HNF4G: variants seen among roughly 807,000 people sequenced by gnomAD.
HNF4G encodes hepatocyte nuclear factor 4-gamma.
In HNF4G, 21 loss-of-function variants were observed where a neutral mutation model predicts 50.9. The ratio of observed to expected loss-of-function variants is 0.41; its 90% CI spans 0.29 to 0.59. The LOEUF is 0.59. Ranked by LOEUF, HNF4G falls within the 20% of genes least tolerant of loss-of-function variation. HNF4G has a pLI of 0.26. For synonymous variants in HNF4G, 198 were observed against 185.6 expected (o/e 1.07, Z -0.54); for missense variants, 527 against 559.4 (o/e 0.94, Z 0.58).
intron 1 of HNF4G, among the ~76,000 whole-genome samples, chr8:75,433,470 C>T (rs908108383): frequency 1.1e-4 from 16 of 150,866 alleles, no homozygotes; most frequent in African/African-American, 2.9e-4. Flanking sequence ...CTGTTTTAGG[C>T]CATTAAATCT....
chr8:75,543,587 T>C (rs935299010), intron 1 of HNF4G, among the ~76,000 whole-genome samples: 1 of 152,146 alleles, frequency 6.6e-6, no homozygotes, highest in Non-Finnish European at 1.5e-5. Context: ...GGAAAGAGCA[T>C]AGTTGGAGAA....
chr8:75,457,607 T>C (rs910514560), intron 1 of HNF4G, among the ~76,000 whole-genome samples: 5 of 152,066 alleles, frequency 3.3e-5, no homozygotes, highest in Admixed American at 6.6e-5. Flanking sequence ...CTTAGAGAGG[T>C]TGGAAATTCC....
chr8:75,556,488 C>A (rs1807131685), intron 6 of HNF4G, among the ~76,000 whole-genome samples: 1 of 151,912 alleles, frequency 6.6e-6, no homozygotes, highest in Admixed American at 6.6e-5. Context: ...CCCATGATAG[C>A]CCACGATATG....
chr8:75,436,399 A>G (rs1207773261), intron 1 of HNF4G, among the ~76,000 whole-genome samples: 2 of 152,184 alleles, frequency 1.3e-5, no homozygotes, highest in African/African-American at 4.8e-5. Context: ...TCTATTTTAA[A>G]TCTATTATAA....
intron 2 of HNF4G, among the ~76,000 whole-genome samples, chr8:75,522,795 C>T (rs937411029): frequency 3.3e-5 from 5 of 152,030 alleles, no homozygotes; most frequent in South Asian, 4.2e-4. Flanking sequence ...TTTGGTAGAG[C>T]GATATTTCAT....
At position 75,515,915 on chromosome 8, in the gene HNF4G, G is replaced by A. The variant is rs570262980; in HGVS notation, c.-24+25707G>A. Among the ~76,000 whole-genome samples the A allele has an allele frequency of 1.1e-4, 16 of 152,026 alleles. 1 individual carries two copies. The highest frequency in any genetic ancestry group is 3.4e-3 in the Middle Eastern group (1 of 294). On this transcript the variant is annotated intron_variant, in intron 2 of 10. Coordinates refer to the HNF4G transcript ENST00000354370. ...CGAGTAGCTGGGATTACAGGCATGC[G>A]CCCCCATGCCCAGCTAATTTTGTAT...
chr8:75,459,894 G>GA (rs151000741), intron 1 of HNF4G, among the ~76,000 whole-genome samples: 5,800 of 152,030 alleles, frequency 0.038, 132 homozygotes, highest in South Asian at 0.055. Context: ...CATACAAATG[G>GA]AAAATCATAC....
rs78303525 is a variant in HNF4G, at chr8:75,411,574, C to G, written c.-144+3412C>G. Among the ~76,000 whole-genome samples the G allele has an allele frequency of 7.9e-5, 12 of 152,234 alleles. No individual in the cohort carries two copies. In the East Asian group the frequency reaches 1.9e-3, roughly 25 times the overall value. On this transcript the variant is annotated intron_variant, in intron 1 of 10. Coordinates refer to the HNF4G transcript ENST00000354370. ...AATTAGCTGATAACATCTGATGTTC[C>G]CCTGAAAACCTTTTATTTTATCAAG...
intron 2 of HNF4G, among the ~76,000 whole-genome samples, chr8:75,544,571 A>T (rs1214049672): frequency 2.0e-5 from 3 of 151,826 alleles, no homozygotes; most frequent in African/African-American, 7.3e-5. Flanking sequence ...ATTTTTTGTC[A>T]TTAAATTTAA....
intron 1 of HNF4G, among the ~76,000 whole-genome samples, chr8:75,449,570 G>T (rs975012592): frequency 6.7e-6 from 1 of 149,458 alleles, no homozygotes; most frequent in East Asian, 2.0e-4. Flanking sequence ...GCAGTGGGGC[G>T]ATCTCGGCTC....
At chr8:75,503,555 CATT>C (rs954972162) in intron 2 of HNF4G, among the ~76,000 whole-genome samples, 10 of 152,270 alleles carry the variant, frequency 6.6e-5, no homozygotes, top group Admixed American at 3.3e-4. Flanking sequence ...GTGTCACAAT[CATT>C]GTTGTTTGTG....
intron 1 of HNF4G, among the ~76,000 whole-genome samples, chr8:75,469,505 T>G (rs1812065557): frequency 6.6e-6 from 1 of 152,194 alleles, no homozygotes. Context: ...TTCACTTACT[T>G]AATTAAAAAG....
intron 2 of HNF4G, among the ~76,000 whole-genome samples, chr8:75,514,354 C>CT (rs36078375): frequency 1.0e-4 from 13 of 125,044 alleles, no homozygotes; most frequent in South Asian, 2.6e-4. Context: ...TTTCTTCTTT[C>CT]TTTTTTTTTT....
At chr8:75,480,721 C>CTTTTT (rs1336807468) in intron 1 of HNF4G, among the ~76,000 whole-genome samples, 46 of 122,414 alleles carry the variant, frequency 3.8e-4, no homozygotes, top group South Asian at 8.4e-4. Flanking sequence ...CTTTTTCTTT[C>CTTTTT]TTTTTTTTTT....
At chr8:75,480,295 C>T (rs532458588) in intron 1 of HNF4G, among the ~76,000 whole-genome samples, 2 of 152,326 alleles carry the variant, frequency 1.3e-5, no homozygotes, top group African/African-American at 4.8e-5. Context: ...TGTATACGTG[C>T]ATAGCCATGG....
intron 1 of HNF4G, among the ~76,000 whole-genome samples, chr8:75,418,246 G>C (rs1389955242): frequency 1.3e-5 from 2 of 152,018 alleles, no homozygotes; most frequent in African/African-American, 4.8e-5. Context: ...AAGGACACCA[G>C]TCATATTGTA....
At chr8:75,506,790 GAT>G (rs1356384074) in intron 2 of HNF4G, among the ~76,000 whole-genome samples, 1 of 152,142 alleles carries the variant, frequency 6.6e-6, no homozygotes, top group Non-Finnish European at 1.5e-5. Context: ...ACAATTTTGT[GAT>G]AGAGTGCAAA....
chr8:75,540,327 T>C (rs1806579185), intron 1 of HNF4G, among the ~76,000 whole-genome samples: 1 of 152,204 alleles, frequency 6.6e-6, no homozygotes, highest in South Asian at 2.1e-4. Context: ...AATTCTGTCA[T>C]GGGCCAGTTA....
At position 75,559,104 on chromosome 8, in the gene HNF4G, AT is replaced by A. The variant is rs1291153298; in HGVS notation, c.1123+74del. The A allele has an allele frequency of 8.4e-6, 9 of 1,067,344 alleles. 1 individual carries two copies. Among genetic ancestry groups the A allele is most frequent in the South Asian group, 6.5e-5 (5 of 76,836 alleles). 66.1% of individuals were successfully genotyped at this position (1,067,344 alleles called of 1,614,324 possible). A position where few individuals can be genotyped will look rare whatever the true frequency, so the allele number is the denominator to read the frequency against. On this transcript the variant is annotated intron_variant, in intron 8 of 9. Transcript: ENST00000396423. ...CACTAAATATAAGTTTGACCTACTG[AT>A]TTTTTTGTCCATATTTAATTCATCT...
Sources: gnomAD v4.1 joint callset for allele counts (sites outside exome capture counted in the v4.1 genomes callset) on GRCh38, gnomAD v4.1.1 for gene constraint, MANE v1.5 for transcripts, NCBI Gene and HGNC (gene_info 2026-07-23, HGNC 2026-07-21) for gene names.